ALDH3A2: variants seen among roughly 807,000 people sequenced by gnomAD.
The protein encoded by ALDH3A2 is aldehyde dehydrogenase 3 family member A2.
ALDH3A2 carries 36 observed loss-of-function variants against 51.3 expected under a neutral mutation model. The observed-to-expected ratio is 0.70, with a 90% CI of 0.54 to 0.93. The LOEUF (loss-of-function observed/expected upper bound fraction) is 0.93, where lower values mean the gene tolerates loss of function less well. Among genes scored for constraint, ALDH3A2 ranks in the 40% least tolerant of loss-of-function variants. The pLI is 0.00. For synonymous variants in ALDH3A2, 199 were observed against 219.8 expected, an observed-to-expected ratio of 0.91 and a Z score of 0.84; for missense variants, 552 against 603.1, an observed-to-expected ratio of 0.92 and a Z score of 0.89.
intron 7 of ALDH3A2, among the ~76,000 whole-genome samples, chr17:19,663,747 CA>C (rs1278306199): frequency 1.3e-5 from 2 of 152,180 alleles, no homozygotes; most frequent in Non-Finnish European, 2.9e-5. Flanking sequence ...TTGAGTGTCA[CA>C]AGGTTTTTGA....
intron 9 of ALDH3A2, among the ~76,000 whole-genome samples, chr17:19,672,995 C>G (rs1430459803): frequency 1.3e-5 from 2 of 152,056 alleles, no homozygotes; most frequent in South Asian, 2.1e-4. Context: ...GAGCCAAGAT[C>G]ATGCCACTGC....
intron 7 of ALDH3A2, among the ~76,000 whole-genome samples, chr17:19,663,722 T>C (rs2084999215): frequency 1.3e-5 from 2 of 152,218 alleles, no homozygotes; most frequent in African/African-American, 4.8e-5. Flanking sequence ...TCGGGTTAGA[T>C]CTGAGTCTGC....
chr17:19,650,610 T>C (rs1175143762), intron 1 of ALDH3A2, among the ~76,000 whole-genome samples: 8 of 152,042 alleles, frequency 5.3e-5, no homozygotes, highest in Admixed American at 5.2e-4. Context: ...CCCGCCACCG[T>C]GCCCGGCTAA....
chr17:19,659,178 C>T (rs894373765), intron 5 of ALDH3A2, among the ~76,000 whole-genome samples: 2 of 152,040 alleles, frequency 1.3e-5, no homozygotes, highest in Non-Finnish European at 2.9e-5. Context: ...TTGCAGTGAG[C>T]CAAGATCATG....
intron 8 of ALDH3A2, among the ~76,000 whole-genome samples, chr17:19,668,022 G>A (rs1255544447): frequency 6.6e-6 from 1 of 152,100 alleles, no homozygotes; most frequent in Non-Finnish European, 1.5e-5. Context: ...AGACAGAAAA[G>A]GGTCTCATTT....
At chr17:19,673,117 C>A (rs2152333670) in intron 9 of ALDH3A2, 1 of 1,613,920 alleles carries the variant, frequency 6.2e-7, no homozygotes, top group Non-Finnish European at 8.5e-7. Context: ...ATTGGAGATA[C>A]CAGTTGCATT....
chr17:19,648,581 G>A, upstream of ALDH3A2: 1 of 220,728 alleles, frequency 4.5e-6, no homozygotes, highest in Non-Finnish European at 9.1e-6. Context: ...ACACCCCGCC[G>A]CCCCCTGGCC....
chr17:19,649,212 T>G, intron 1 of ALDH3A2, 88 bp downstream of exon 1: 1 of 1,496,556 alleles, frequency 6.7e-7, no homozygotes. Flanking sequence ...GTTTTTGCTT[T>G]TACATTTCGG....
Position 19,649,076 on chromosome 17 carries a change from G to C in ALDH3A2, c.105G>C (p.Gln35His). The C allele has an allele frequency of 6.3e-7, 1 of 1,584,080 alleles. No homozygotes were observed. Among genetic ancestry groups the C allele is most frequent in the Non-Finnish European group, 8.6e-7 (1 of 1,165,726 alleles). ...TGGAGGCCCTGCGGAGGATGGTGCAGGAGCGCGAGAAGGATATCCTGACGG... is the reference window on the plus strand; with the variant it reads ...TGGAGGCCCTGCGGAGGATGGTGCACGAGCGCGAGAAGGATATCCTGACGG... ...QQLEALRRMV[Q>H]EREKDILTAI... Residue 35 changes from glutamine (Q) to histidine (H), a missense_variant, in exon 1 of 10, where the codon CAG becomes CAC. Transcript: ENST00000176643.
chr17:19,659,855 AAAAAG>A (rs2084944656), intron 5 of ALDH3A2, among the ~76,000 whole-genome samples: 1 of 151,810 alleles, frequency 6.6e-6, no homozygotes, highest in African/African-American at 2.4e-5. Flanking sequence ...AAAAAAAAAA[AAAAAG>A]AGAAAATTAT....
Position 19,649,039 on chromosome 17 carries a change from G to A in ALDH3A2, c.68G>A (p.Arg23Gln). Reference protein sequence around the residue: ...LSGRSRPLRFRLQQLEALRRM... With the variant: ...LSGRSRPLRFQLQQLEALRRM... ...GGCCGGTCGCGACCTCTGCGGTTTCGGCTGCAGCAGCTGGAGGCCCTGCGG... is the reference window on the plus strand; with the variant it reads ...GGCCGGTCGCGACCTCTGCGGTTTCAGCTGCAGCAGCTGGAGGCCCTGCGG... Residue 23 changes from arginine to glutamine, a missense_variant, in exon 1 of 10, where the codon CGG (arginine) becomes CAG (glutamine). Coordinates refer to ENST00000176643, the MANE Select transcript of ALDH3A2 (RefSeq NM_000382.3). The A allele has an allele frequency of 6.3e-7, 1 of 1,583,782 alleles. No individual in the cohort carries two copies.
chr17:19,656,602 G>A lies in ALDH3A2; in HGVS notation c.680+28G>A, dbSNP rs1354370181. 11 of 1,580,094 alleles carry A rather than the reference G, an allele frequency of 7.0e-6. No homozygotes were observed. In the African/African-American group the frequency reaches 1.5e-4, roughly 21 times the overall value. Reference sequence around the variant, plus strand: ...GAGTCTGGCTCTCTGATTTTCTGAGGTTTTCCCAGCACAATGGAGACTTTT... The same window carrying A: ...GAGTCTGGCTCTCTGATTTTCTGAGATTTTCCCAGCACAATGGAGACTTTT... On this transcript the variant is annotated intron_variant, in intron 4 of 9. Coordinates refer to ENST00000176643, the MANE Select transcript of ALDH3A2 (RefSeq NM_000382.3).
intron 1 of ALDH3A2, chr17:19,649,474 G>T (rs2084784598): frequency 1.1e-5 from 2 of 188,894 alleles, no homozygotes; most frequent in Admixed American, 6.1e-5. Context: ...CTTTCTTTGG[G>T]TTTCTTTCTT....
Position 19,651,669 on chromosome 17 carries a change from G to A in ALDH3A2, c.276G>A (p.Leu92=), listed in dbSNP as rs779837269. The part of the protein sequence containing the change: ...KPVKKNVLTM[L]DEAYIQPQPL... ...TTAAGAAGAACGTGCTCACCATGCT[G>A]GATGAGGCCTATATTCAGCCACAGC... The change falls in exon 2 of 10, where the codon CTG becomes CTA. Residue 92 remains leucine (L), a synonymous_variant. Transcript: ENST00000176643. 1 of 1,614,220 alleles carries A rather than the reference G, an allele frequency of 6.2e-7. No individual in the cohort carries two copies. Among genetic ancestry groups the A allele is most frequent in the Non-Finnish European group, 8.5e-7 (1 of 1,180,040 alleles).
At chr17:19,651,519 A>C (rs1173687792) in intron 1 of ALDH3A2, 28 bp from the exon 2 acceptor site, 1 of 1,569,462 alleles carries the variant, frequency 6.4e-7, no homozygotes, top group Non-Finnish European at 8.8e-7. Context: ...CTTACTCTGC[A>C]AGATTAACTG....
chr17:19,649,273 G>A, intron 1 of ALDH3A2, 149 bp downstream of exon 1: 1 of 1,128,486 alleles, frequency 8.9e-7, no homozygotes. Context: ...TAAAGCCAAA[G>A]TTCCCGCAGA....
intron 5 of ALDH3A2, among the ~76,000 whole-genome samples, chr17:19,658,882 T>C (rs1467543627): frequency 1.3e-5 from 2 of 152,116 alleles, no homozygotes; most frequent in Non-Finnish European, 2.9e-5. Context: ...CAGATGTTAA[T>C]TGAGCACTAA....
At chr17:19,658,255 G>A (rs1410612382) in intron 5 of ALDH3A2, among the ~76,000 whole-genome samples, 1 of 152,182 alleles carries the variant, frequency 6.6e-6, no homozygotes, top group Non-Finnish European at 1.5e-5. Context: ...AGAGGGCCTA[G>A]GGTGGCCAGT....
intron 7 of ALDH3A2, 63 bp downstream of exon 7, chr17:19,663,562 G>C: frequency 6.4e-7 from 1 of 1,568,118 alleles, no homozygotes; most frequent in South Asian, 1.1e-5. Context: ...TTCCTTCTTT[G>C]CTGTAAAACA....
Sources: gnomAD v4.1 joint callset for allele counts (sites outside exome capture counted in the v4.1 genomes callset) on GRCh38, gnomAD v4.1.1 for gene constraint, MANE v1.5 for transcripts, NCBI Gene and HGNC (gene_info 2026-07-23, HGNC 2026-07-21) for gene names.